Variants in TIAM1 observed in about 807,000 individuals in gnomAD.
TIAM1 encodes the protein TIAM Rac1 associated GEF 1, also known as rho guanine nucleotide exchange factor TIAM1.
Under a neutral mutation model 163.5 loss-of-function variants are expected in TIAM1, and 65 were observed. The observed-to-expected ratio is 0.40, with a 90% CI of 0.33 to 0.49. TIAM1 has a LOEUF of 0.49. Ranked by LOEUF, TIAM1 falls within the 20% of genes least tolerant of loss-of-function variation. The probability of loss-of-function intolerance (pLI) is 0.77; values close to 1 mark genes in which losing one functional copy is unlikely to be tolerated. For synonymous variants in TIAM1, 833 were observed against 810.1 expected (o/e 1.03, Z -0.48); for missense variants, 1,789 against 2,044.7 (o/e 0.87, Z 2.41).
chr21:31,456,157 T>C (rs1230294855), intron 2 of TIAM1, among the ~76,000 whole-genome samples: 1 of 152,250 alleles, frequency 6.6e-6, no homozygotes, highest in Non-Finnish European at 1.5e-5. Context: ...CTCTTTTGCA[T>C]TATATTCTTA....
chr21:31,283,690 G>A (rs1367174494), intron 2 of TIAM1, among the ~76,000 whole-genome samples: 4 of 151,946 alleles, frequency 2.6e-5, no homozygotes, highest in Admixed American at 6.6e-5. Context: ...GACTACAAGC[G>A]CACATCATGC....
At chr21:31,451,718 CGTGT>C (rs59110882) in intron 2 of TIAM1, among the ~76,000 whole-genome samples, 60,907 of 142,160 alleles carry the variant, frequency 0.43, 12,931 homozygotes, top group Non-Finnish European at 0.48. Context: ...CATGTGTGTG[CGTGT>C]GTGTGTGTGT....
At chr21:31,362,392 T>A (rs1427530985) in intron 2 of TIAM1, among the ~76,000 whole-genome samples, 1 of 151,716 alleles carries the variant, frequency 6.6e-6, no homozygotes, top group African/African-American at 2.4e-5. Context: ...CACCCAAGGT[T>A]CGCCTTTCTC....
At chr21:31,509,177 A>G (rs1400213907) in intron 1 of TIAM1, among the ~76,000 whole-genome samples, 1 of 152,164 alleles carries the variant, frequency 6.6e-6, no homozygotes, top group Non-Finnish European at 1.5e-5. Flanking sequence ...ACGGTTCTTC[A>G]GGACTACCCG....
chr21:31,355,670 G>A (rs888829280), intron 2 of TIAM1, among the ~76,000 whole-genome samples: 3 of 151,858 alleles, frequency 2.0e-5, no homozygotes, highest in Admixed American at 1.3e-4. Context: ...TCTTGCCTCC[G>A]CCTCCTGAGT....
chr21:31,338,465 C>G (rs1027638006), intron 2 of TIAM1, among the ~76,000 whole-genome samples: 3 of 152,186 alleles, frequency 2.0e-5, no homozygotes, highest in African/African-American at 7.2e-5. Flanking sequence ...TTGAAAAGAA[C>G]AAGAGCAACT....
intron 9 of TIAM1, among the ~76,000 whole-genome samples, chr21:31,214,138 A>C (rs1022602051): frequency 6.6e-6 from 1 of 152,098 alleles, no homozygotes; most frequent in Admixed American, 6.5e-5. Flanking sequence ...CAGTTTGCTC[A>C]ACAGAGTGAG....
At chr21:31,525,693 G>A (rs2077714524) in intron 1 of TIAM1, among the ~76,000 whole-genome samples, 1 of 151,846 alleles carries the variant, frequency 6.6e-6, no homozygotes, top group African/African-American at 2.4e-5. Flanking sequence ...CCTGTACCAG[G>A]GACTCTTATT....
At chr21:31,206,664 A>G (rs942625458) in intron 11 of TIAM1, among the ~76,000 whole-genome samples, 1 of 152,222 alleles carries the variant, frequency 6.6e-6, no homozygotes, top group Non-Finnish European at 1.5e-5. Flanking sequence ...TTTTTAGTTT[A>G]GTTGGCATAA....
At chr21:31,232,749 T>C (rs574604951) in intron 6 of TIAM1, among the ~76,000 whole-genome samples, 1 of 152,160 alleles carries the variant, frequency 6.6e-6, no homozygotes, top group Admixed American at 6.5e-5. Flanking sequence ...GGTCCCTTCG[T>C]CAGAATTCAG....
At chr21:31,437,587 C>T (rs903769361) in intron 2 of TIAM1, among the ~76,000 whole-genome samples, 3 of 151,882 alleles carry the variant, frequency 2.0e-5, no homozygotes, top group Non-Finnish European at 4.4e-5. Flanking sequence ...ATTATAATCC[C>T]CAATGTTGGA....
intron 1 of TIAM1, among the ~76,000 whole-genome samples, chr21:31,551,191 G>C (rs896609589): frequency 2.0e-5 from 3 of 152,000 alleles, no homozygotes; most frequent in African/African-American, 7.2e-5. Context: ...TCCAGCCTGG[G>C]CAACAGAGTG....
At position 31,123,586 on chromosome 21, in the gene TIAM1, G is replaced by A. The variant is rs11909574; in HGVS notation, c.4306+936C>T. ...TCCCATGTCAAGCCAGGTAGGTTTT[G>A]TCTATGAAAACCTTCAAGCATTCAC... On this transcript the variant is annotated intron_variant, in intron 27 of 27. Transcript: ENST00000541036. Among the ~76,000 whole-genome samples, 1,070 of 152,242 alleles carry A rather than the reference G, an allele frequency of 7.0e-3. 17 individuals are homozygous for A. The highest frequency in any genetic ancestry group is 0.024 in the African/African-American group (978 of 41,524).
chr21:31,214,146 G>A (rs1230257620), intron 9 of TIAM1, among the ~76,000 whole-genome samples: 2 of 152,056 alleles, frequency 1.3e-5, no homozygotes, highest in Non-Finnish European at 2.9e-5. Flanking sequence ...TCAACAGAGT[G>A]AGACCCTGTC....
intron 1 of TIAM1, among the ~76,000 whole-genome samples, chr21:31,526,185 T>G (rs2047778978): frequency 6.6e-6 from 1 of 152,170 alleles, no homozygotes; most frequent in Non-Finnish European, 1.5e-5. Flanking sequence ...CACTGAGCCC[T>G]GGGGCAGATG....
intron 5 of TIAM1, 117 bp downstream of exon 5, chr21:31,251,625 A>C: frequency 9.2e-7 from 1 of 1,083,966 alleles, no homozygotes; most frequent in Non-Finnish European, 1.3e-6. Context: ...AATTAGTATG[A>C]TTTTCAAATT....
intron 25 of TIAM1, among the ~76,000 whole-genome samples, chr21:31,129,051 T>A (rs183994125): frequency 6.6e-6 from 1 of 152,310 alleles, no homozygotes; most frequent in East Asian, 1.9e-4. Context: ...ATCATGCACC[T>A]GCAGGTCTCT....
chr21:31,122,907 T>A, intron 27 of TIAM1, among the ~76,000 whole-genome samples: 1 of 152,228 alleles, frequency 6.6e-6, no homozygotes. Context: ...AGCTATGCTG[T>A]GCTGATCTAC....
At chr21:31,267,091 C>G in intron 3 of TIAM1, 108 bp from the exon 4 acceptor site, 1 of 1,453,166 alleles carries the variant, frequency 6.9e-7, no homozygotes, top group Non-Finnish European at 9.1e-7. Context: ...CCTTGGCTCA[C>G]AGGGGTTGTT....
Sources: gnomAD v4.1 joint callset for allele counts (sites outside exome capture counted in the v4.1 genomes callset) on GRCh38, gnomAD v4.1.1 for gene constraint, MANE v1.5 for transcripts, NCBI Gene and HGNC (gene_info 2026-07-23, HGNC 2026-07-21) for gene names.